The following CNBP variants were observed in gnomAD, a reference collection of about 807,000 sequenced individuals.
The protein encoded by CNBP is CCHC-type zinc finger nucleic acid binding protein, also known as cellular nucleic acid-binding protein.
Under a neutral mutation model 21.2 loss-of-function variants are expected in CNBP, and 6 were observed. The observed-to-expected ratio is 0.28, with a 90% CI of 0.16 to 0.56. The LOEUF (loss-of-function observed/expected upper bound fraction) is 0.56. Ranked by LOEUF, CNBP falls within the 20% of genes least tolerant of loss-of-function variation. CNBP has a pLI of 0.93. For synonymous variants in CNBP, 61 were observed against 74.9 expected (o/e 0.81, Z 0.96); for missense variants, 112 against 233.1 (o/e 0.48, Z 3.38).
At chr3:129,179,480 A>G (rs557686015) in intron 1 of CNBP, among the ~76,000 whole-genome samples, 14 of 152,250 alleles carry the variant, frequency 9.2e-5, no homozygotes, top group Admixed American at 9.2e-4. Context: ...AAGAGTTTTA[A>G]CAGCTGGATA....
chr3:129,174,163 T>C (rs939851902), intron 1 of CNBP, among the ~76,000 whole-genome samples: 1 of 152,102 alleles, frequency 6.6e-6, no homozygotes, highest in Non-Finnish European at 1.5e-5. Flanking sequence ...GGCTATGAGT[T>C]ACTGGTGCTT....
intron 1 of CNBP, among the ~76,000 whole-genome samples, chr3:129,178,986 G>A (rs1054721163): frequency 3.9e-5 from 6 of 151,982 alleles, no homozygotes; most frequent in African/African-American, 9.7e-5. Flanking sequence ...TAATAAAAAC[G>A]AACTATGGGG....
rs961035324 is a variant in CNBP at position 129,180,416 on chromosome 3, A to G, written c.-15+3360T>C. On this transcript the variant is annotated intron_variant, in intron 1 of 4. Coordinates refer to ENST00000422453, the MANE Select transcript of CNBP (RefSeq NM_003418.5). ...ACAAACACTGGCAACTTGCTTCACT[A>G]GTTAACACCTCATTTGTATTTATGG... Among the ~76,000 whole-genome samples, 21 of 152,354 alleles carry G rather than the reference A, an allele frequency of 1.4e-4. No homozygotes were observed. The East Asian group carries it at 3.7e-3, about 27-fold the overall frequency.
At chr3:129,172,683 GACAGACAGACAGACACACACACAC>G (rs1576912908) in intron 1 of CNBP, among the ~76,000 whole-genome samples, 1 of 95,928 alleles carries the variant, frequency 1.0e-5, no homozygotes, top group Non-Finnish European at 2.3e-5. Context: ...CAGACAGACA[GACAGACAGACAGACACACACACAC>G]ACACACACAC....
intron 1 of CNBP, among the ~76,000 whole-genome samples, chr3:129,181,477 C>A (rs1290870755): frequency 2.7e-5 from 4 of 150,814 alleles, no homozygotes; most frequent in Admixed American, 2.6e-4. Flanking sequence ...CATGGTGAAA[C>A]CCCGTCTGTA....
intron 1 of CNBP, among the ~76,000 whole-genome samples, chr3:129,178,919 G>A (rs566086653): frequency 6.6e-6 from 1 of 151,346 alleles, no homozygotes; most frequent in Non-Finnish European, 1.5e-5. Context: ...CTTTTTTTTT[G>A]TATTTTTAGT....
In CNBP at chr3:129,169,101, C is replaced by A. The variant is rs538737244; in HGVS notation, c.*1352G>T. 3.3e-4 allele frequency among the ~76,000 whole-genome samples: 48 copies of A among 145,864 alleles called. No homozygotes were observed. Among genetic ancestry groups the A allele is most frequent in the African/African-American group, 1.2e-3 (48 of 39,446 alleles). Reference sequence around the variant, plus strand: ...TGGGCAACAGAGCGACACTCTGTCTCAAAAAAAAATAAAAAAATAAAATAA... The same window carrying A: ...TGGGCAACAGAGCGACACTCTGTCTAAAAAAAAAATAAAAAAATAAAATAA... On this transcript the variant is annotated 3_prime_UTR_variant, in exon 5 of 5. Transcript: ENST00000422453.
rs1292691394 is a variant in CNBP, at chr3:129,169,207, T to C, written c.*1246A>G. On this transcript the variant is annotated 3_prime_UTR_variant, in exon 5 of 5. Transcript: ENST00000422453. ...TACTCAGGAGGCTGAGGCAGGAGAA[T>C]TGCTTGAACCCGGGAGGTGGAGGTT... is the stretch of plus-strand genomic sequence containing the variant. 6.6e-6 allele frequency among the ~76,000 whole-genome samples: 1 copy of C among 152,022 alleles called. No individual in the cohort carries two copies. The highest frequency in any genetic ancestry group is 1.5e-5 in the Non-Finnish European group (1 of 67,990).
intron 1 of CNBP, among the ~76,000 whole-genome samples, chr3:129,183,057 T>G (rs899450653): frequency 6.6e-6 from 1 of 151,982 alleles, no homozygotes; most frequent in Admixed American, 6.6e-5. Context: ...GTTCACGCGA[T>G]TCTCCTGTCC....
At chr3:129,171,579 G>C (rs1237936563) in intron 2 of CNBP, 41 bp from the exon 3 acceptor site, 1 of 1,613,934 alleles carries the variant, frequency 6.2e-7, no homozygotes, top group African/African-American at 1.3e-5. Context: ...AGTCAGACCA[G>C]TCTTGATACT....
intron 1 of CNBP, among the ~76,000 whole-genome samples, chr3:129,179,111 C>CAG (rs2107645663): frequency 6.6e-6 from 1 of 151,994 alleles, no homozygotes; most frequent in East Asian, 1.9e-4. Context: ...AATCCCGTCT[C>CAG]TACTAAAAAC....
chr3:129,171,610 A>C (rs755815162), intron 2 of CNBP, 24 bp downstream of exon 2: 65 of 1,614,092 alleles, frequency 4.0e-5, no homozygotes, highest in Middle Eastern at 1.6e-4. Flanking sequence ...GAAGTACTTC[A>C]AATTTTTCTA....
intron 1 of CNBP, among the ~76,000 whole-genome samples, chr3:129,180,904 C>T (rs1938242390): frequency 6.6e-6 from 1 of 151,952 alleles, no homozygotes; most frequent in South Asian, 2.1e-4. Context: ...TTGGTACTAT[C>T]CCATATACGT....
At chr3:129,177,925 C>G (rs950979102) in intron 1 of CNBP, among the ~76,000 whole-genome samples, 1 of 151,982 alleles carries the variant, frequency 6.6e-6, no homozygotes, top group Admixed American at 6.6e-5. Flanking sequence ...TTTGGGAGGC[C>G]GAGGCAGATG....
rs1367375702 is a variant in CNBP at position 129,181,649 on chromosome 3, C to CAAAA, written c.-15+2126_-15+2127insTTTT. Among the ~76,000 whole-genome samples the CAAAA allele has an allele frequency of 8.2e-4, 59 of 72,210 alleles. 13 individuals are homozygous for CAAAA. The highest frequency in any genetic ancestry group is 3.7e-3 in the South Asian group (7 of 1,872). The allele number at this position is 72,210 out of a possible 152,430, so 47.4% of individuals were successfully genotyped here. A position where few individuals can be genotyped will look rare whatever the true frequency, so the allele number is the denominator to read the frequency against. On this transcript the variant is annotated intron_variant, in intron 1 of 4. Transcript: ENST00000422453. ...TGGGCGACAGAGTGAGACTCCGTCT[C>CAAAA]AGAAAAAAAAAAAGAAAAACCCCTG...
intron 1 of CNBP, among the ~76,000 whole-genome samples, chr3:129,172,456 C>A (rs1937591498): frequency 6.6e-6 from 1 of 152,120 alleles, no homozygotes; most frequent in Admixed American, 6.5e-5. Context: ...GCGGCATGCG[C>A]CTGTAATCCC....
chr3:129,173,131 AG>A (rs980572988), intron 1 of CNBP, among the ~76,000 whole-genome samples: 2 of 152,198 alleles, frequency 1.3e-5, no homozygotes, highest in African/African-American at 4.8e-5. Context: ...TCAGTGGAAA[AG>A]TTGCATCTGT....
intron 1 of CNBP, among the ~76,000 whole-genome samples, chr3:129,180,083 C>T (rs1316438628): frequency 6.6e-6 from 1 of 151,240 alleles, no homozygotes; most frequent in Non-Finnish European, 1.5e-5. Flanking sequence ...GACAAAAATG[C>T]TATTGTGTAA....
rs976361777 is a variant in CNBP, at chr3:129,169,766, T to C, written c.*687A>G. 1 of 220,606 alleles carries C rather than the reference T, an allele frequency of 4.5e-6. No individual in the cohort carries two copies. The highest frequency in any genetic ancestry group is 9.1e-6 in the Non-Finnish European group (1 of 109,930). The allele number at this position is 220,606 out of a possible 1,614,324, so 13.7% of individuals were successfully genotyped here. ...AATGCATTTCTCTGCAATTCCTGAA[T>C]AGCTCCAAATTATGCTAACTCTGAG... On this transcript the variant is annotated 3_prime_UTR_variant, in exon 5 of 5. Transcript: ENST00000422453.
Sources: allele counts gnomAD v4.1 joint callset (sites outside exome capture counted in the v4.1 genomes callset), GRCh38; gene constraint gnomAD v4.1.1; transcripts MANE v1.5; gene names NCBI Gene and HGNC (gene_info 2026-07-23, HGNC 2026-07-21).